ANTXR1: variants seen among roughly 807,000 people sequenced by gnomAD.
ANTXR1 encodes anthrax toxin receptor 1.
Under a neutral mutation model 78.1 loss-of-function variants are expected in ANTXR1, and 19 were observed. The observed-to-expected ratio is 0.24, with a 90% CI of 0.17 to 0.36. The LOEUF is 0.36. Among genes scored for constraint, ANTXR1 ranks in the 10% least tolerant of loss-of-function variants. ANTXR1 has a pLI of 1.00. For synonymous variants in ANTXR1, 273 were observed against 260.5 expected, an observed-to-expected ratio of 1.05 and a Z score of -0.46; for missense variants, 518 against 718.6, an observed-to-expected ratio of 0.72 and a Z score of 3.19.
Position 69,245,359 on chromosome 2 carries a change from C to G in ANTXR1, c.1569C>G (p.Pro523=). Residue 523 remains proline (P), a synonymous_variant, in exon 18 of 18, where the codon CCC becomes CCG. Transcript: ENST00000303714. ...TPPPPAPHCP[P]PPPSAPTPPI... ...CACCTCCTGCGCCCCACTGCCCTCC[C>G]CCGCCCCCCAGCGCCCCTACCCCTC... 1 of 1,519,946 alleles carries G rather than the reference C, an allele frequency of 6.6e-7. No homozygotes were observed. Among genetic ancestry groups the G allele is most frequent in the Non-Finnish European group, 8.8e-7 (1 of 1,133,198 alleles). The allele number at this position is 1,519,946 out of a possible 1,614,324, so 94.2% of individuals were successfully genotyped here.
In ANTXR1 at chr2:69,102,947, C is replaced by G; in HGVS notation, c.802+7C>G. ...AATGACTCGGTCACACTCAGTAAGT[C>G]CTTGCAGAGTCCATGGGTTTCTTCG... On this transcript the variant is annotated splice_region_variant and intron_variant, in intron 10 of 17. Coordinates refer to ENST00000303714, the MANE Select transcript of ANTXR1 (RefSeq NM_032208.3). The G allele has an allele frequency of 6.2e-7, 1 of 1,613,410 alleles. No individual in the cohort carries two copies. Among genetic ancestry groups the G allele is most frequent in the Non-Finnish European group, 8.5e-7 (1 of 1,179,344 alleles).
chr2:69,122,662 G>A (rs1004033233), intron 10 of ANTXR1, among the ~76,000 whole-genome samples: 5 of 152,074 alleles, frequency 3.3e-5, no homozygotes, highest in Admixed American at 1.3e-4. Flanking sequence ...TGTTACATAT[G>A]TATACATGTG....
At chr2:69,161,289 C>T (rs1673676524) in intron 13 of ANTXR1, among the ~76,000 whole-genome samples, 1 of 152,212 alleles carries the variant, frequency 6.6e-6, no homozygotes, top group South Asian at 2.1e-4. Context: ...GCTCCTGCTG[C>T]AACTCTCACT....
In ANTXR1 at chr2:69,013,306, GA is replaced by G. The variant is rs929555089; in HGVS notation, c.-191del. On this transcript the variant is annotated 5_prime_UTR_variant, in exon 1 of 18. Transcript: ENST00000303714. The surrounding 1 kb of genome is among the most constrained non-coding windows in gnomAD (Gnocchi z 5.0). ...TGGGATCCTTGAAACCCGAAACCCA[GA>G]AACAGCATCGGAGCGGAAACCAGAG... 76 of 752,948 alleles carry G rather than the reference GA, an allele frequency of 1.0e-4. 1 individual carries two copies. The African/African-American group carries it at 1.3e-3, about 13-fold the overall frequency. 46.6% of individuals were successfully genotyped at this position (752,948 alleles called of 1,614,324 possible). A position where few individuals can be genotyped will look rare whatever the true frequency, so the allele number is the denominator to read the frequency against.
intron 8 of ANTXR1, among the ~76,000 whole-genome samples, chr2:69,086,577 G>T (rs1429341446): frequency 1.3e-5 from 2 of 152,206 alleles, no homozygotes; most frequent in African/African-American, 4.8e-5. Context: ...CCAAAAGTTG[G>T]CAGGAAAATA....
chr2:69,041,901 A>C (rs1272356778), intron 2 of ANTXR1, among the ~76,000 whole-genome samples: 1 of 152,184 alleles, frequency 6.6e-6, no homozygotes, highest in Non-Finnish European at 1.5e-5. Context: ...GGAGCCCCTC[A>C]AAGTGTGGAG....
chr2:69,092,743 G>C (rs559384875), intron 9 of ANTXR1, among the ~76,000 whole-genome samples: 12 of 152,272 alleles, frequency 7.9e-5, no homozygotes, highest in African/African-American at 2.6e-4. Context: ...GCTTCATAAG[G>C]GGCCTGTGCA....
At chr2:69,146,047 T>TG (rs1673218164) in intron 12 of ANTXR1, 1 of 985,360 alleles carries the variant, frequency 1.0e-6, no homozygotes, top group Non-Finnish European at 1.2e-6. Flanking sequence ...ATTTGGCCAT[T>TG]CAAGCCGGGC....
At chr2:69,082,575 C>G (rs186938492) in intron 8 of ANTXR1, among the ~76,000 whole-genome samples, 4 of 152,188 alleles carry the variant, frequency 2.6e-5, no homozygotes, top group Admixed American at 2.6e-4. Context: ...CTTTGCTTGC[C>G]TTTTCAAAAG....
At chr2:69,152,630 T>C (rs1673429946) in intron 13 of ANTXR1, among the ~76,000 whole-genome samples, 1 of 152,164 alleles carries the variant, frequency 6.6e-6, no homozygotes, top group African/African-American at 2.4e-5. Flanking sequence ...CACATACACA[T>C]TTGTTGAGTT....
intron 17 of ANTXR1, among the ~76,000 whole-genome samples, chr2:69,206,169 T>C (rs1236337678): frequency 1.3e-5 from 2 of 152,202 alleles, no homozygotes; most frequent in African/African-American, 4.8e-5. Flanking sequence ...CTGAATTTGG[T>C]TGCTTCACTG....
chr2:69,041,584 C>G (rs574765990), intron 2 of ANTXR1, among the ~76,000 whole-genome samples: 16 of 152,188 alleles, frequency 1.1e-4, no homozygotes, highest in Non-Finnish European at 1.9e-4. Context: ...TAGCAATTCA[C>G]CAACCTTGGC....
At chr2:69,112,930 G>A (rs1420237673) in intron 10 of ANTXR1, among the ~76,000 whole-genome samples, 2 of 152,154 alleles carry the variant, frequency 1.3e-5, no homozygotes, top group Non-Finnish European at 2.9e-5. Flanking sequence ...AAGGGAAGTC[G>A]CCACCAGAGG....
chr2:69,234,799 T>C (rs934516746), intron 17 of ANTXR1, among the ~76,000 whole-genome samples: 3 of 151,998 alleles, frequency 2.0e-5, no homozygotes, highest in African/African-American at 7.3e-5. Flanking sequence ...CATTAATCCT[T>C]ACAATAATCT....
chr2:69,096,282 A>AAGGGAGGAAGGGAGGAAGGGAGGAAGGG (rs1558540969), intron 9 of ANTXR1, among the ~76,000 whole-genome samples: 2 of 34,654 alleles, frequency 5.8e-5, no homozygotes, highest in Non-Finnish European at 8.8e-5. Flanking sequence ...GGAAGGAAGG[A>AAGGGAGGAAGGGAGGAAGGGAGGAAGGG]AGGAAGGGAG....
chr2:69,052,047 C>T (rs1037554278), intron 3 of ANTXR1, among the ~76,000 whole-genome samples: 5 of 152,106 alleles, frequency 3.3e-5, no homozygotes, highest in Non-Finnish European at 5.9e-5. Context: ...GTTAATTTTG[C>T]TTGCCTCGAT....
chr2:69,062,597 T>C (rs889376494), intron 3 of ANTXR1, among the ~76,000 whole-genome samples: 2 of 152,234 alleles, frequency 1.3e-5, no homozygotes, highest in African/African-American at 4.8e-5. Context: ...AAAAGCCTTA[T>C]GCTCTGCAGT....
chr2:69,151,402 C>A (rs1374551437), intron 12 of ANTXR1, among the ~76,000 whole-genome samples: 7 of 152,026 alleles, frequency 4.6e-5, no homozygotes, highest in Non-Finnish European at 1.0e-4. Context: ...GGGACTTAGA[C>A]CCGTGTTCCT....
At chr2:69,170,432 GA>G in intron 14 of ANTXR1, 143 bp downstream of exon 14, 1 of 948,348 alleles carries the variant, frequency 1.1e-6, no homozygotes, top group Non-Finnish European at 1.6e-6. Flanking sequence ...CTGTGAAGCA[GA>G]AGGGAGGAAA....
Sources: gnomAD v4.1 joint callset for allele counts (sites outside exome capture counted in the v4.1 genomes callset) on GRCh38, gnomAD v4.1.1 for gene constraint, Gnocchi (gnomAD v3.1) non-coding constraint, MANE v1.5 for transcripts, NCBI Gene and HGNC (gene_info 2026-07-23, HGNC 2026-07-21) for gene names.